CNOT1: variants seen among roughly 807,000 people sequenced by gnomAD.
CNOT1 encodes the protein CCR4-associated factor 1.
CNOT1 carries 15 observed loss-of-function variants against 273.8 expected under a neutral mutation model. The observed-to-expected ratio is 0.05, with a 90% CI of 0.04 to 0.08. The LOEUF is 0.08. Among genes scored for constraint, CNOT1 ranks in the 10% least tolerant of loss-of-function variants. The pLI, the probability that CNOT1 is intolerant of heterozygous loss-of-function variation, is 1.00. For missense variants in CNOT1, 1,644 were observed against 2,912.2 expected (o/e 0.56, Z 10.02); for synonymous variants, 1,022 against 1,005.5 (o/e 1.02, Z -0.31).
intron 2 of CNOT1, among the ~76,000 whole-genome samples, chr16:58,590,330 C>T (rs1389452332): frequency 1.3e-5 from 2 of 152,282 alleles, no homozygotes; most frequent in Non-Finnish European, 2.9e-5. Flanking sequence ...CTATGATCTT[C>T]CCACTATATC....
At position 58,614,270 on chromosome 16, in the gene CNOT1, A is replaced by G. The variant is rs1186680876; in HGVS notation, c.-174-14759T>C. Among the ~76,000 whole-genome samples, 8 of 124,026 alleles carry G rather than the reference A, an allele frequency of 6.5e-5. 1 individual carries two copies. Among genetic ancestry groups the G allele is most frequent in the African/African-American group, 1.9e-4 (7 of 36,786 alleles). The allele number at this position is 124,026 out of a possible 152,430, so 81.4% of individuals were successfully genotyped here. ...GCCTGCTGTCCTTAGAAAGGCTTGC[A>G]CAGTTGGCCCTTGGCTGGTCTCTGA... On this transcript the variant is annotated intron_variant, in intron 1 of 48. Transcript: ENST00000317147.
chr16:58,556,339 G>A (rs1046543851), intron 19 of CNOT1, among the ~76,000 whole-genome samples: 2 of 152,168 alleles, frequency 1.3e-5, no homozygotes, highest in South Asian at 2.1e-4. Flanking sequence ...TCACACTAAC[G>A]TTATCAAGTC....
intron 16 of CNOT1, among the ~76,000 whole-genome samples, chr16:58,568,436 A>C (rs565469648): frequency 2.6e-5 from 4 of 152,068 alleles, no homozygotes; most frequent in Admixed American, 6.6e-5. Context: ...CTGTAATCTC[A>C]GCACTTTGGG....
chr16:58,599,187 T>C (rs1206533604), intron 2 of CNOT1, 49 bp downstream of exon 2: 1 of 1,611,676 alleles, frequency 6.2e-7, no homozygotes, highest in Admixed American at 1.7e-5. Flanking sequence ...TTCTTTCCAC[T>C]GTCTACTCAT....
intron 1 of CNOT1, among the ~76,000 whole-genome samples, chr16:58,605,091 G>A (rs1238539218): frequency 6.6e-6 from 1 of 151,932 alleles, no homozygotes; most frequent in African/African-American, 2.4e-5. Flanking sequence ...AGCCGAGATC[G>A]CGCCACTGCA....
intron 8 of CNOT1, among the ~76,000 whole-genome samples, chr16:58,584,821 T>C (rs563822921): frequency 6.6e-6 from 1 of 152,278 alleles, no homozygotes; most frequent in East Asian, 1.9e-4. Flanking sequence ...AATTTGCTTT[T>C]AGAAAAATAT....
intron 44 of CNOT1, 78 bp from the exon 45 acceptor site, chr16:58,526,216 CTG>C: frequency 6.6e-7 from 1 of 1,517,246 alleles, no homozygotes; most frequent in African/African-American, 1.4e-5. Context: ...AGTGGTGGGA[CTG>C]TTTTTCTAAA....
At position 58,539,971 on chromosome 16, in the gene CNOT1, A is replaced by G. The variant is rs1281902299; in HGVS notation, c.4801-12T>C. On this transcript the variant is annotated splice_polypyrimidine_tract_variant and intron_variant, in intron 34 of 48. Transcript: ENST00000317147. ...GTTGCCCAAGCTTGCTGTTTTACAG[A>G]AGGAAACAACCAACAAGAGACAAAA... 6.3e-7 allele frequency: 1 copy of G among 1,596,262 alleles called. No homozygotes were observed. The highest frequency in any genetic ancestry group is 8.5e-7 in the Non-Finnish European group (1 of 1,169,774).
At chr16:58,598,612 G>A (rs960553194) in intron 2 of CNOT1, among the ~76,000 whole-genome samples, 1 of 150,872 alleles carries the variant, frequency 6.6e-6, no homozygotes, top group Admixed American at 6.6e-5. Flanking sequence ...CACTGCACAC[G>A]AGCCTGGGCG....
At chr16:58,606,677 C>T (rs149874415) in intron 1 of CNOT1, among the ~76,000 whole-genome samples, 2,272 of 152,100 alleles carry the variant, frequency 0.015, 44 homozygotes, top group African/African-American at 0.052. Flanking sequence ...GTGGCAGGCA[C>T]CTGTAATCCC....
chr16:58,568,634 C>T (rs1404527114), intron 16 of CNOT1, among the ~76,000 whole-genome samples: 7 of 150,292 alleles, frequency 4.7e-5, no homozygotes, highest in African/African-American at 1.5e-4. Context: ...GAGCCGAGAT[C>T]GTGCCACTGC....
chr16:58,525,876 A>G (rs984678063), intron 45 of CNOT1, 113 bp downstream of exon 45: 4 of 864,308 alleles, frequency 4.6e-6, no homozygotes, highest in Admixed American at 2.3e-5. Context: ...ACCTCACCCA[A>G]TTGATGGAAA....
At chr16:58,536,359 T>C (rs1412449533) in intron 39 of CNOT1, among the ~76,000 whole-genome samples, 1 of 152,210 alleles carries the variant, frequency 6.6e-6, no homozygotes, top group African/African-American at 2.4e-5. Flanking sequence ...CAACCAGTGA[T>C]AATAAAAAAC....
intron 21 of CNOT1, among the ~76,000 whole-genome samples, chr16:58,554,522 T>C (rs1029437570): frequency 4.6e-5 from 7 of 152,172 alleles, no homozygotes; most frequent in African/African-American, 1.7e-4. Context: ...TATAAATTTG[T>C]CAAAATTCAA....
chr16:58,522,721 T>C (rs1425770143), intron 47 of CNOT1, among the ~76,000 whole-genome samples: 1 of 152,196 alleles, frequency 6.6e-6, no homozygotes, highest in Non-Finnish European at 1.5e-5. Context: ...AACATAGACT[T>C]CATAGGCCTG....
chr16:58,533,805 A>G (rs1048189757), intron 40 of CNOT1, among the ~76,000 whole-genome samples: 1 of 152,094 alleles, frequency 6.6e-6, no homozygotes, highest in Admixed American at 6.5e-5. Flanking sequence ...AGTCTGGGCG[A>G]CAGAGCGAGA....
intron 47 of CNOT1, 70 bp downstream of exon 47, chr16:58,523,298 TAA>T (rs1313508528): frequency 2.1e-6 from 3 of 1,436,466 alleles, no homozygotes; most frequent in Non-Finnish European, 2.8e-6. Flanking sequence ...ACTGAAAGCA[TAA>T]AGAGGAAAAA....
At chr16:58,530,165 C>G in intron 43 of CNOT1, 81 bp downstream of exon 43, 1 of 1,176,136 alleles carries the variant, frequency 8.5e-7, no homozygotes, top group East Asian at 2.5e-5. Flanking sequence ...TTAATAAAAA[C>G]AAAATAAGGC....
intron 1 of CNOT1, among the ~76,000 whole-genome samples, chr16:58,602,771 A>C: frequency 6.6e-6 from 1 of 151,848 alleles, no homozygotes. Context: ...TTTTTTAAAA[A>C]GAAAAAACCA....
Sources: allele counts gnomAD v4.1 joint callset (sites outside exome capture counted in the v4.1 genomes callset), GRCh38; gene constraint gnomAD v4.1.1; transcripts MANE v1.5; gene names NCBI Gene and HGNC (gene_info 2026-07-23, HGNC 2026-07-21).